The following ARHGAP23 variants were observed in gnomAD, a reference collection of about 807,000 sequenced individuals.
The protein encoded by ARHGAP23 is Rho GTPase activating protein 23, also known as rho GTPase-activating protein 23.
Under a neutral mutation model 136.3 loss-of-function variants are expected in ARHGAP23, and 34 were observed. That is an observed-to-expected ratio of 0.25 (90% CI 0.19 to 0.33). The LOEUF (loss-of-function observed/expected upper bound fraction) is 0.33, where lower values mean the gene tolerates loss of function less well. ARHGAP23 is among the 10% of genes least tolerant of loss of function. The pLI is 1.00. For missense variants in ARHGAP23, 1,808 were observed against 2,139.0 expected, an observed-to-expected ratio of 0.85 and a Z score of 3.05; for synonymous variants, 832 against 920.5, an observed-to-expected ratio of 0.90 and a Z score of 1.74.
At chr17:38,501,343 C>G (rs1462818691) in intron 23 of ARHGAP23, among the ~76,000 whole-genome samples, 1 of 151,852 alleles carries the variant, frequency 6.6e-6, no homozygotes, top group African/African-American at 2.4e-5. Flanking sequence ...GCTCTGTCAC[C>G]CAGGCTGGAG....
chr17:38,496,884 C>A (rs1390372589), intron 20 of ARHGAP23, among the ~76,000 whole-genome samples: 1 of 151,348 alleles, frequency 6.6e-6, no homozygotes, highest in African/African-American at 2.4e-5. Flanking sequence ...ACACAGGAGG[C>A]AGAGGTTGCA....
chr17:38,428,331 G>A, upstream of ARHGAP23: 1 of 281,770 alleles, frequency 3.5e-6, no homozygotes, highest in Non-Finnish European at 6.4e-6. Context: ...AGAAGGGAGC[G>A]CGGGGTGGGT....
At chr17:38,503,387 AGCAAG>A (rs1454331057) in intron 23 of ARHGAP23, among the ~76,000 whole-genome samples, 2 of 152,240 alleles carry the variant, frequency 1.3e-5, no homozygotes, top group Admixed American at 1.3e-4. Flanking sequence ...GGTCCCATGA[AGCAAG>A]GCAGATTTCC....
At chr17:38,495,235 T>C (rs867558082) in intron 20 of ARHGAP23, among the ~76,000 whole-genome samples, 30,127 of 141,664 alleles carry the variant, frequency 0.21, 3,495 homozygotes, top group African/African-American at 0.35. Flanking sequence ...TTTCTTTTTT[T>C]TTTTTTTTTT....
At chr17:38,496,644 A>G (rs1372067326) in intron 20 of ARHGAP23, among the ~76,000 whole-genome samples, 2 of 152,172 alleles carry the variant, frequency 1.3e-5, no homozygotes, top group East Asian at 1.9e-4. Flanking sequence ...TGGTGGCTCC[A>G]GAGAGCAGGA....
intron 1 of ARHGAP23, among the ~76,000 whole-genome samples, chr17:38,435,581 G>T (rs893529583): frequency 1.3e-5 from 2 of 152,224 alleles, no homozygotes; most frequent in African/African-American, 2.4e-5. Flanking sequence ...CCTCACGGCA[G>T]TCTCTGTACT....
chr17:38,498,938 T>C, intron 22 of ARHGAP23: 1 of 523,648 alleles, frequency 1.9e-6, no homozygotes, highest in Non-Finnish European at 3.5e-6. Context: ...CCAGCGGACC[T>C]GTTGGAGATT....
intron 6 of ARHGAP23, among the ~76,000 whole-genome samples, chr17:38,464,380 G>A (rs1250563459): frequency 1.3e-5 from 2 of 152,196 alleles, no homozygotes; most frequent in Admixed American, 1.3e-4. Flanking sequence ...CACCTCCCTG[G>A]TCTCATGGGT....
At chr17:38,430,935 A>G (rs371179869) in intron 1 of ARHGAP23, among the ~76,000 whole-genome samples, 22 of 152,222 alleles carry the variant, frequency 1.4e-4, no homozygotes, top group African/African-American at 5.3e-4. Context: ...ATTTATAAAA[A>G]CTACCTCATT....
intron 23 of ARHGAP23, among the ~76,000 whole-genome samples, chr17:38,509,083 C>T (rs2040697449): frequency 6.7e-6 from 1 of 150,020 alleles, no homozygotes; most frequent in African/African-American, 2.5e-5. Flanking sequence ...TCCCAAGAGG[C>T]AGAGGAGAGG....
chr17:38,499,302 AGCGAT>A (rs1457707230), intron 22 of ARHGAP23, among the ~76,000 whole-genome samples: 1 of 152,198 alleles, frequency 6.6e-6, no homozygotes, highest in Non-Finnish European at 1.5e-5. Flanking sequence ...TCTGGAGACC[AGCGAT>A]GCCACGCCCA....
intron 20 of ARHGAP23, among the ~76,000 whole-genome samples, chr17:38,495,708 A>T (rs1409824534): frequency 2.0e-5 from 3 of 152,092 alleles, no homozygotes; most frequent in Non-Finnish European, 4.4e-5. Context: ...TCATTCCCCT[A>T]GGTGCCCACT....
chr17:38,479,536 G>A (rs1372975770), intron 13 of ARHGAP23, 39 bp downstream of exon 13: 2 of 1,538,496 alleles, frequency 1.3e-6, no homozygotes, highest in Non-Finnish European at 1.8e-6. Context: ...CCTCTGTGGG[G>A]GTGGTAGGGG....
chr17:38,444,568 C>T (rs2038990016), intron 1 of ARHGAP23, among the ~76,000 whole-genome samples: 1 of 152,136 alleles, frequency 6.6e-6, no homozygotes, highest in African/African-American at 2.4e-5. Flanking sequence ...GGGATGGCAG[C>T]CTCTGTGGAT....
chr17:38,482,008 C>T lies in ARHGAP23; in HGVS notation c.2630-14C>T, dbSNP rs1470222261. ...ATACCCCAGCTCACTCTGGCTCTGT[C>T]TCCCCCACTTCAGATGACAGTGCTG... On this transcript the variant is annotated splice_polypyrimidine_tract_variant and intron_variant, in intron 14 of 23. Coordinates refer to ENST00000622683, the MANE Select transcript of ARHGAP23 (RefSeq NM_001199417.2). 1.4e-5 allele frequency: 21 copies of T among 1,517,114 alleles called. No individual in the cohort carries two copies. The highest frequency in any genetic ancestry group is 1.8e-5 in the Non-Finnish European group (20 of 1,133,570). The allele number at this position is 1,517,114 out of a possible 1,614,324, so 94.0% of individuals were successfully genotyped here.
chr17:38,469,381 G>A (rs1160036064), intron 8 of ARHGAP23, 82 bp downstream of exon 8: 7 of 1,478,602 alleles, frequency 4.7e-6, no homozygotes, highest in African/African-American at 4.2e-5. Context: ...GCTGCTTGAT[G>A]TCTGGCCTCT....
chr17:38,443,758 G>A (rs1159839050), intron 1 of ARHGAP23, among the ~76,000 whole-genome samples: 1 of 152,172 alleles, frequency 6.6e-6, no homozygotes, highest in Non-Finnish European at 1.5e-5. Flanking sequence ...TGTGCCCCCG[G>A]GAGACTTTCG....
At chr17:38,426,375 T>C (rs1165860851), upstream of ARHGAP23, among the ~76,000 whole-genome samples, 1 of 151,812 alleles carries the variant, frequency 6.6e-6, no homozygotes, top group Non-Finnish European at 1.5e-5. Flanking sequence ...ACCCTGTCTC[T>C]ACTAAAAATA....
intron 17 of ARHGAP23, among the ~76,000 whole-genome samples, chr17:38,486,788 G>T (rs1171573695): frequency 6.6e-6 from 1 of 152,194 alleles, no homozygotes; most frequent in South Asian, 2.1e-4. Context: ...CTTGCCCAAG[G>T]TCGCACAGGT....
Sources: gnomAD v4.1 joint callset for allele counts (sites outside exome capture counted in the v4.1 genomes callset) on GRCh38, gnomAD v4.1.1 for gene constraint, MANE v1.5 for transcripts, NCBI Gene and HGNC (gene_info 2026-07-23, HGNC 2026-07-21) for gene names.